Variants in RBM25 observed in about 807,000 individuals in gnomAD.
The protein encoded by RBM25 is RNA-binding protein 25.
A neutral mutation model predicts 120.7 loss-of-function variants in RBM25; 19 were observed. The observed-to-expected ratio is 0.16, with a 90% confidence interval of 0.11 to 0.23. RBM25 has a LOEUF of 0.23. RBM25 is among the 10% of genes least tolerant of loss of function. RBM25 has a pLI of 1.00. For missense variants in RBM25, 605 were observed against 1,041.5 expected (o/e 0.58, Z 5.77); for synonymous variants, 390 against 326.7 (o/e 1.19, Z -2.09).
chr14:73,109,521 C>G, intron 14 of RBM25, 29 bp downstream of exon 14: 1 of 1,594,272 alleles, frequency 6.3e-7, no homozygotes. Flanking sequence ...TGGTCGGGCG[C>G]GGTGGCTCAC....
chr14:73,059,759 A>G (rs561867629), intron 1 of RBM25, among the ~76,000 whole-genome samples: 1 of 152,330 alleles, frequency 6.6e-6, no homozygotes, highest in African/African-American at 2.4e-5. Context: ...TCATGATTCA[A>G]GTGAATCTTA....
In RBM25 at chr14:73,120,460, T is replaced by C. The variant is rs1896520062; in HGVS notation, c.*655T>C. 6.5e-6 allele frequency: 1 copy of C among 152,676 alleles called. No homozygotes were observed. The highest frequency in any genetic ancestry group is 1.5e-5 in the Non-Finnish European group (1 of 68,048). 9.5% of individuals were successfully genotyped at this position (152,676 alleles called of 1,614,324 possible). ...GTACTGTTCCAACCTGAAATGTCTG[T>C]TATAATTAGGTTATTAGTTTCCCAG... is the stretch of plus-strand genomic sequence containing the variant. On this transcript the variant is annotated 3_prime_UTR_variant, in exon 19 of 19. Transcript: ENST00000261973.
At chr14:73,096,777 A>G in intron 6 of RBM25, 138 bp from the exon 7 acceptor site, 4 of 672,962 alleles carry the variant, frequency 5.9e-6, no homozygotes, top group Non-Finnish European at 7.4e-6. Flanking sequence ...TGATGTTAAG[A>G]ACAAAACCAA....
Position 73,119,742 on chromosome 14 carries a change from A to C in RBM25, c.2469A>C (p.Ile823=). The C allele has an allele frequency of 6.2e-7, 1 of 1,612,112 alleles. No individual in the cohort carries two copies. The highest frequency in any genetic ancestry group is 8.5e-7 in the Non-Finnish European group (1 of 1,179,548). ...MVLDEEAEVF[I]VKMWRLLIYE... is the part of the protein sequence containing the mutation. Reference sequence around the variant, plus strand: ...TTGATGAAGAAGCAGAAGTTTTTATAGTCAAAATGTGGAGATTATTGATAT... The same window carrying C: ...TTGATGAAGAAGCAGAAGTTTTTATCGTCAAAATGTGGAGATTATTGATAT... The change falls in exon 19 of 19, where the codon ATA becomes ATC. Residue 823 remains isoleucine, a synonymous_variant. Transcript: ENST00000261973.
intron 6 of RBM25, among the ~76,000 whole-genome samples, chr14:73,093,450 TC>T (rs1895861563): frequency 6.6e-6 from 1 of 152,160 alleles, no homozygotes; most frequent in African/African-American, 2.4e-5. Flanking sequence ...TCTGTCAGCT[TC>T]CTATATGGCT....
chr14:73,077,321 A>G (rs1374565390), intron 3 of RBM25, 48 bp from the exon 4 acceptor site: 19 of 1,489,642 alleles, frequency 1.3e-5, no homozygotes, highest in Non-Finnish European at 1.8e-5. Flanking sequence ...TAATTGTGGT[A>G]GGAAATTTAA....
In RBM25 at chr14:73,058,592, C is replaced by G. The variant is rs1001051313; in HGVS notation, c.-129C>G. The stretch of plus-strand genomic sequence containing the variant: ...TATTTGCGGCCTGTGCGAGTAGGCG[C>G]TTGGGCACTCAGTCTCCCTGGCGAG... On this transcript the variant is annotated 5_prime_UTR_variant, in exon 1 of 19. Transcript: ENST00000261973. 1 of 152,190 alleles carries G rather than the reference C, an allele frequency of 6.6e-6. No homozygotes were observed. Among genetic ancestry groups the G allele is most frequent in the Non-Finnish European group, 1.5e-5 (1 of 68,064 alleles). 9.4% of individuals were successfully genotyped at this position (152,190 alleles called of 1,614,324 possible).
rs1465668856 is a variant in RBM25, at chr14:73,103,930, TCTCTCTCTCTCTCTCTCTCACACACACA to T, written c.1154+454_1154+481del. Among the ~76,000 whole-genome samples the T allele has an allele frequency of 4.6e-3, 354 of 77,354 alleles. 2 individuals are homozygous for T. Among genetic ancestry groups the T allele is most frequent in the Middle Eastern group, 0.011 (2 of 186 alleles). The allele number at this position is 77,354 out of a possible 152,430, so 50.7% of individuals were successfully genotyped here. On this transcript the variant is annotated intron_variant, in intron 10 of 18. Coordinates refer to ENST00000261973, the MANE Select transcript of RBM25 (RefSeq NM_021239.3). ...GTCTCTCTCTCTCTCTCTCTCTCTC[TCTCTCTCTCTCTCTCTCTCACACACACA>T]CACACACACACACACACACACACAC...
intron 18 of RBM25, 50 bp downstream of exon 18, chr14:73,114,383 T>G (rs762514170): frequency 7.2e-7 from 1 of 1,386,054 alleles, no homozygotes; most frequent in East Asian, 2.4e-5. Context: ...AAAAAAGTTT[T>G]TGGTTTTTTT....
intron 1 of RBM25, among the ~76,000 whole-genome samples, chr14:73,059,077 C>A (rs1046185142): frequency 6.6e-6 from 1 of 152,158 alleles, no homozygotes; most frequent in Non-Finnish European, 1.5e-5. Context: ...CCTGAGCCCC[C>A]TTACTTACCG....
intron 10 of RBM25, among the ~76,000 whole-genome samples, 177 bp from the exon 11 acceptor site, chr14:73,105,682 G>A (rs908822009): frequency 6.6e-6 from 1 of 152,170 alleles, no homozygotes; most frequent in Non-Finnish European, 1.5e-5. Context: ...ATTTGGGACT[G>A]CAATTTATGT....
intron 8 of RBM25, 75 bp downstream of exon 8, chr14:73,099,508 A>C (rs1208040673): frequency 6.3e-7 from 1 of 1,585,178 alleles, no homozygotes; most frequent in African/African-American, 1.4e-5. Context: ...TGTCTATCTG[A>C]TTTTTCACTA....
intron 18 of RBM25, among the ~76,000 whole-genome samples, chr14:73,118,702 TTG>T (rs1566604250): frequency 6.6e-6 from 1 of 152,046 alleles, no homozygotes; most frequent in East Asian, 1.9e-4. Context: ...ATGGTACTCT[TTG>T]TGTTTAGTAA....
chr14:73,083,643 C>T lies in RBM25; in HGVS notation c.382+92C>T, dbSNP rs960844863. On this transcript the variant is annotated intron_variant, in intron 5 of 18. Transcript: ENST00000261973. Reference sequence around the variant, plus strand: ...ATGACTTAACTCTCATTGTCTTTATCAGTAAGACTTATTTTATTAGCACTC... The same window carrying T: ...ATGACTTAACTCTCATTGTCTTTATTAGTAAGACTTATTTTATTAGCACTC... 23 of 852,430 alleles carry T rather than the reference C, an allele frequency of 2.7e-5. No homozygotes were observed. In the Admixed American group the frequency reaches 6.1e-4, roughly 22 times the overall value. The allele number at this position is 852,430 out of a possible 1,614,324, so 52.8% of individuals were successfully genotyped here.
rs1413000146 is a variant in RBM25, at chr14:73,111,117, A to G, written c.1979A>G (p.Glu660Gly). Residue 660 changes from glutamate (E) to glycine (G), a missense_variant, in exon 15 of 19, where the codon GAG (glutamate) becomes GGG (glycine). Transcript: ENST00000261973. ...HENSPDQQQP[E>G]EHRPKIGLSL... ...AACTCACCAGATCAACAGCAACCTG[A>G]GGAGCATAGGCCAAAAATAGGACTA... The G allele has an allele frequency of 6.2e-7, 1 of 1,614,032 alleles. No homozygotes were observed.
At chr14:73,098,829 G>T (rs901460541) in intron 7 of RBM25, among the ~76,000 whole-genome samples, 5 of 152,098 alleles carry the variant, frequency 3.3e-5, no homozygotes, top group African/African-American at 9.7e-5. Flanking sequence ...ATTTTTAATA[G>T]AGATGGGTTT....
intron 18 of RBM25, among the ~76,000 whole-genome samples, chr14:73,115,000 T>C (rs362438): frequency 6.6e-6 from 1 of 152,218 alleles, no homozygotes; most frequent in Non-Finnish European, 1.5e-5. Context: ...TGACCTGTAG[T>C]AGCAGAGAGA....
intron 7 of RBM25, 103 bp downstream of exon 7, chr14:73,097,203 T>TTTTC (rs1895964581): frequency 4.1e-6 from 3 of 738,314 alleles, no homozygotes; most frequent in South Asian, 8.4e-5. Flanking sequence ...TTTCTTTTTT[T>TTTTC]TTTTTTTTTT....
intron 1 of RBM25, chr14:73,068,730 C>T (rs1395544121): frequency 7.0e-6 from 2 of 285,086 alleles, no homozygotes; most frequent in African/African-American, 2.2e-5. Context: ...ACTGCAGCCA[C>T]CCCCTCTCCT....
Sources: gnomAD v4.1 joint callset for allele counts (sites outside exome capture counted in the v4.1 genomes callset) on GRCh38, gnomAD v4.1.1 for gene constraint, MANE v1.5 for transcripts, NCBI Gene and HGNC (gene_info 2026-07-23, HGNC 2026-07-21) for gene names.